FUT8: variants seen among roughly 807,000 people sequenced by gnomAD.
FUT8 encodes the protein alpha-(1,6)-fucosyltransferase.
FUT8 carries 29 observed loss-of-function variants against 71.3 expected under a neutral mutation model. That is an observed-to-expected ratio of 0.41 (90% CI 0.30 to 0.55). FUT8 has a LOEUF of 0.55. Ranked by LOEUF, FUT8 falls within the 20% of genes least tolerant of loss-of-function variation. The pLI is 0.34. For synonymous variants in FUT8, 254 were observed against 239.3 expected (o/e 1.06, Z -0.57); for missense variants, 544 against 702.1 (o/e 0.77, Z 2.55).
chr14:65,368,157 C>T, the FUT8 span, among the ~76,000 whole-genome samples: 1 of 148,072 alleles, frequency 6.8e-6, no homozygotes. Flanking sequence ...GGGTTCATGC[C>T]ATTCTCCTGC....
chr14:65,402,402 C>T, the FUT8 span, among the ~76,000 whole-genome samples: 2 of 149,890 alleles, frequency 1.3e-5, no homozygotes. Context: ...GGCGTGGTGG[C>T]TCACACCTGT....
chr14:65,503,641 C>A (rs1040446361), intron 2 of FUT8, among the ~76,000 whole-genome samples: 1 of 152,172 alleles, frequency 6.6e-6, no homozygotes, highest in Non-Finnish European at 1.5e-5. Flanking sequence ...TCTCTCTGCC[C>A]TTCCCTCCCT....
chr14:65,635,627 G>T (rs749021636), intron 6 of FUT8, among the ~76,000 whole-genome samples: 1 of 152,144 alleles, frequency 6.6e-6, no homozygotes, highest in African/African-American at 2.4e-5. Context: ...TTTATGTGGT[G>T]TATGACATTT....
At chr14:65,450,419 C>T (rs977223822) in intron 1 of FUT8, among the ~76,000 whole-genome samples, 9 of 152,110 alleles carry the variant, frequency 5.9e-5, no homozygotes, top group South Asian at 4.1e-4. Context: ...TTATACTTAT[C>T]GTTTTACTTC....
chr14:65,640,167 T>C (rs748917081), intron 6 of FUT8, among the ~76,000 whole-genome samples: 1 of 151,458 alleles, frequency 6.6e-6, no homozygotes, highest in Non-Finnish European at 1.5e-5. Flanking sequence ...AAGCAAATGA[T>C]GATAGAATAA....
intron 1 of FUT8, among the ~76,000 whole-genome samples, chr14:65,422,708 G>C (rs1463358788): frequency 3.9e-5 from 6 of 151,998 alleles, no homozygotes; most frequent in Admixed American, 3.9e-4. Flanking sequence ...GGGTCTCACT[G>C]TGTTGCCCAG....
chr14:65,695,131 T>C (rs1410783971), intron 7 of FUT8, among the ~76,000 whole-genome samples: 2 of 151,704 alleles, frequency 1.3e-5, no homozygotes, highest in Non-Finnish European at 2.9e-5. Flanking sequence ...TCGAGAAGAA[T>C]GTGCATTCTA....
chr14:65,502,329 A>T (rs1476449536), intron 2 of FUT8, among the ~76,000 whole-genome samples: 2 of 151,454 alleles, frequency 1.3e-5, no homozygotes, highest in Admixed American at 1.3e-4. Context: ...GGTTCAAGTG[A>T]TTCTCCTGCC....
At chr14:65,480,299 ATTTT>A (rs5809276) in intron 2 of FUT8, among the ~76,000 whole-genome samples, 48 of 96,948 alleles carry the variant, frequency 5.0e-4, no homozygotes, top group Non-Finnish European at 9.1e-4. Flanking sequence ...ATGAACTGTG[ATTTT>A]TTTTTTTTTT....
At chr14:65,464,210 C>A (rs1594659030) in intron 2 of FUT8, among the ~76,000 whole-genome samples, 1 of 145,930 alleles carries the variant, frequency 6.9e-6, no homozygotes. Context: ...ATCTTACAAT[C>A]TGTAGTAATT....
chr14:65,672,452 A>G (rs1892518948), intron 7 of FUT8, among the ~76,000 whole-genome samples: 1 of 152,018 alleles, frequency 6.6e-6, no homozygotes. Context: ...AACAATATTT[A>G]TTTATTGTTT....
chr14:65,578,794 C>A (rs189606415), intron 3 of FUT8, among the ~76,000 whole-genome samples: 16 of 152,270 alleles, frequency 1.1e-4, no homozygotes, highest in Admixed American at 2.0e-4. Context: ...CTGTGAATTA[C>A]AATGGCTACA....
chr14:65,638,546 A>G lies in FUT8; in HGVS notation c.597+8940A>G, dbSNP rs1436068500. ...TTCATTCAAAAATAAGTTTTATTGG[A>G]GAAATAGAAAACTTCTCCAGTGACA... is the stretch of plus-strand genomic sequence containing the variant. On this transcript the variant is annotated intron_variant, in intron 6 of 10. Transcript: ENST00000673929. The surrounding 1 kb of genome is among the most constrained non-coding windows in gnomAD (Gnocchi z 4.5). Among the ~76,000 whole-genome samples, 1 of 151,974 alleles carries G rather than the reference A, an allele frequency of 6.6e-6. No homozygotes were observed. Among genetic ancestry groups the G allele is most frequent in the Admixed American group, 6.5e-5 (1 of 15,268 alleles).
At chr14:65,531,471 T>A (rs1024696657) in intron 2 of FUT8, among the ~76,000 whole-genome samples, 4 of 152,050 alleles carry the variant, frequency 2.6e-5, no homozygotes, top group Non-Finnish European at 2.9e-5. Flanking sequence ...ACATTGTGAG[T>A]CTTAAAAAAA....
chr14:65,712,741 G>A (rs1247680492), intron 7 of FUT8, among the ~76,000 whole-genome samples: 2 of 152,072 alleles, frequency 1.3e-5, no homozygotes, highest in African/African-American at 4.8e-5. Flanking sequence ...CACTGCGCCT[G>A]GTGAAAATAT....
chr14:65,620,774 T>C (rs1889567790), intron 5 of FUT8, among the ~76,000 whole-genome samples: 1 of 152,248 alleles, frequency 6.6e-6, no homozygotes, highest in Admixed American at 6.5e-5. Flanking sequence ...GATGTGGATA[T>C]TCTTTCTTGA....
At chr14:65,393,285 T>C in the FUT8 span, among the ~76,000 whole-genome samples, 1 of 152,174 alleles carries the variant, frequency 6.6e-6, no homozygotes, top group South Asian at 2.1e-4. Flanking sequence ...TTTAGCCCTT[T>C]AATGCCAATA....
Position 65,721,942 on chromosome 14 carries a change from T to G in FUT8, c.1003T>G (p.Leu335Val). The change falls in exon 8 of 11, where the codon TTG (leucine) becomes GTG (valine). Residue 335 changes from leucine (L) to valine (V), a missense_variant. Leu to Val is a conservative substitution (Grantham distance 32, BLOSUM62 1). Coordinates refer to ENST00000673929, the MANE Select transcript of FUT8 (RefSeq NM_001371533.1). Reference sequence around the variant, plus strand: ...GTGGGTGTCTCAGTTTGTCAAATACTTGATCCGCCCACAGCCTTGGCTAGA... The same window carrying G: ...GTGGGTGTCTCAGTTTGTCAAATACGTGATCCGCCCACAGCCTTGGCTAGA... ...VWWVSQFVKY[L>V]IRPQPWLEKE... The G allele has an allele frequency of 6.2e-7, 1 of 1,614,210 alleles. No individual in the cohort carries two copies. Among genetic ancestry groups the G allele is most frequent in the Non-Finnish European group, 8.5e-7 (1 of 1,180,040 alleles).
intron 2 of FUT8, among the ~76,000 whole-genome samples, chr14:65,491,487 TG>T (rs1726412445): frequency 1.3e-5 from 2 of 152,134 alleles, no homozygotes; most frequent in South Asian, 4.1e-4. Context: ...ATCAGCAGCA[TG>T]GGGACAATAG....
Sources: allele counts gnomAD v4.1 joint callset (sites outside exome capture counted in the v4.1 genomes callset), GRCh38; gene constraint gnomAD v4.1.1; non-coding constraint Gnocchi (gnomAD v3.1); transcripts MANE v1.5; gene names NCBI Gene and HGNC (gene_info 2026-07-23, HGNC 2026-07-21).